PTPRK: variants seen among roughly 807,000 people sequenced by gnomAD.
PTPRK encodes the protein receptor-type tyrosine-protein phosphatase kappa.
A neutral mutation model predicts 178.0 loss-of-function variants in PTPRK; 75 were observed. That is an observed-to-expected ratio of 0.42 (90% CI 0.35 to 0.51). The LOEUF (loss-of-function observed/expected upper bound fraction) is 0.51, where lower values mean the gene tolerates loss of function less well. PTPRK is among the 20% of genes least tolerant of loss of function. PTPRK has a pLI of 0.02. For synonymous variants in PTPRK, 637 were observed against 620.6 expected, an observed-to-expected ratio of 1.03 and a Z score of -0.39; for missense variants, 1,441 against 1,797.8, an observed-to-expected ratio of 0.80 and a Z score of 3.59.
chr6:128,085,329 T>C (rs1022463528), intron 8 of PTPRK: 3 of 152,250 alleles, frequency 2.0e-5, no homozygotes, highest in Admixed American at 2.0e-4. Flanking sequence ...CATCTGTGTC[T>C]ATTGCTAAGG....
chr6:128,242,225 C>T lies in PTPRK; in HGVS notation c.577+296G>A, dbSNP rs190387440. Among the ~76,000 whole-genome samples the T allele has an allele frequency of 5.5e-3, 841 of 151,892 alleles. 4 individuals carry two copies. The highest frequency in any genetic ancestry group is 8.2e-3 in the Non-Finnish European group (559 of 67,950). On this transcript the variant is annotated intron_variant, in intron 4 of 29. Coordinates refer to ENST00000368226, the MANE Select transcript of PTPRK (RefSeq NM_002844.4). The stretch of plus-strand genomic sequence containing the variant: ...TGTTTTTCTAGACAATTTAATGATG[C>T]CAAAAAAATGAACAAGTCCTACTAA...
chr6:128,153,670 A>G (rs989138052), intron 7 of PTPRK, among the ~76,000 whole-genome samples: 2 of 151,958 alleles, frequency 1.3e-5, no homozygotes, highest in Non-Finnish European at 2.9e-5. Flanking sequence ...AGAATCAGCT[A>G]GTTTATAAAG....
intron 6 of PTPRK, among the ~76,000 whole-genome samples, chr6:128,194,695 C>T (rs558944988): frequency 5.1e-4 from 78 of 152,242 alleles, no homozygotes; most frequent in African/African-American, 1.8e-3. Context: ...CAGGTGATCA[C>T]CTCACCACAT....
intron 3 of PTPRK, among the ~76,000 whole-genome samples, chr6:128,263,419 A>G (rs994140501): frequency 6.6e-6 from 1 of 152,144 alleles, no homozygotes; most frequent in Non-Finnish European, 1.5e-5. Context: ...TGTTGATTTC[A>G]GAGGTAGAAA....
intron 6 of PTPRK, among the ~76,000 whole-genome samples, chr6:128,208,798 C>G (rs1807491586): frequency 6.6e-6 from 1 of 152,088 alleles, no homozygotes; most frequent in South Asian, 2.1e-4. Flanking sequence ...ACTTAATGCC[C>G]TATGATTAGT....
At chr6:128,347,425 C>T (rs965007830) in intron 2 of PTPRK, among the ~76,000 whole-genome samples, 6 of 152,140 alleles carry the variant, frequency 3.9e-5, no homozygotes, top group African/African-American at 1.4e-4. Flanking sequence ...AATTGCAGGA[C>T]CTTAGGGTCC....
chr6:128,206,557 TAAAA>T (rs1271584817), intron 6 of PTPRK, among the ~76,000 whole-genome samples: 4 of 152,052 alleles, frequency 2.6e-5, no homozygotes, highest in African/African-American at 9.7e-5. Flanking sequence ...ACTAGATACT[TAAAA>T]ATATATAGGC....
chr6:128,140,799 C>T (rs1795663918), intron 7 of PTPRK, among the ~76,000 whole-genome samples: 1 of 151,846 alleles, frequency 6.6e-6, no homozygotes, highest in Non-Finnish European at 1.5e-5. Flanking sequence ...CACACAAAGG[C>T]TTAGTTTTCA....
intron 11 of PTPRK, among the ~76,000 whole-genome samples, chr6:128,077,139 C>T (rs530583276): frequency 7.9e-5 from 12 of 152,118 alleles, no homozygotes; most frequent in African/African-American, 2.9e-4. Context: ...CTGATTTAAG[C>T]ACCAGTAACA....
intron 13 of PTPRK, among the ~76,000 whole-genome samples, chr6:128,057,452 C>T (rs1780091569): frequency 6.6e-6 from 1 of 152,152 alleles, no homozygotes; most frequent in Non-Finnish European, 1.5e-5. Context: ...TAGTTTCCTT[C>T]TGGGAGAAGG....
At chr6:128,058,939 C>T (rs1321289627) in intron 13 of PTPRK, among the ~76,000 whole-genome samples, 2 of 151,716 alleles carry the variant, frequency 1.3e-5, no homozygotes, top group Non-Finnish European at 2.9e-5. Flanking sequence ...TACCTTTTCC[C>T]CTCTTCCCTA....
intron 6 of PTPRK, among the ~76,000 whole-genome samples, chr6:128,185,137 GT>G: frequency 6.6e-6 from 1 of 152,196 alleles, no homozygotes. Flanking sequence ...CTTCTTCACA[GT>G]TTCTACAGAT....
intron 1 of PTPRK, among the ~76,000 whole-genome samples, chr6:128,398,284 A>G (rs1840603255): frequency 6.6e-6 from 1 of 152,144 alleles, no homozygotes; most frequent in Non-Finnish European, 1.5e-5. Context: ...TCTGCAACCA[A>G]TCAGAGGTAC....
At chr6:128,026,831 A>G (rs1774395321) in intron 13 of PTPRK, among the ~76,000 whole-genome samples, 1 of 152,148 alleles carries the variant, frequency 6.6e-6, no homozygotes, top group Non-Finnish European at 1.5e-5. Flanking sequence ...CCAGTGTCCT[A>G]TTTTATTCAC....
At chr6:128,298,374 T>C (rs57369971) in intron 3 of PTPRK, among the ~76,000 whole-genome samples, 5,928 of 148,814 alleles carry the variant, frequency 0.04, 431 homozygotes, top group African/African-American at 0.14. Context: ...CTGTAGCTCA[T>C]TTTATGAGGC....
intron 1 of PTPRK, among the ~76,000 whole-genome samples, chr6:128,419,611 C>CAAA (rs55706420): frequency 1.1e-5 from 1 of 93,274 alleles, no homozygotes; most frequent in African/African-American, 3.9e-5. Flanking sequence ...GACTCCGTCT[C>CAAA]AAAAAAAAAA....
intron 6 of PTPRK, among the ~76,000 whole-genome samples, chr6:128,185,385 CT>C (rs1442088441): frequency 1.3e-5 from 2 of 152,040 alleles, no homozygotes; most frequent in African/African-American, 4.8e-5. Context: ...AGATATTCTG[CT>C]TGAAAGAAAC....
At chr6:128,207,954 T>C (rs1170744151) in intron 6 of PTPRK, among the ~76,000 whole-genome samples, 1 of 152,078 alleles carries the variant, frequency 6.6e-6, no homozygotes, top group Non-Finnish European at 1.5e-5. Context: ...TAAATCAAAA[T>C]GATCAAAATG....
At chr6:128,139,097 GA>G (rs1303762090) in intron 7 of PTPRK, among the ~76,000 whole-genome samples, 1 of 152,078 alleles carries the variant, frequency 6.6e-6, no homozygotes. Context: ...AGCGAGGAAT[GA>G]AAGAGAATAT....
Sources: allele counts gnomAD v4.1 joint callset (sites outside exome capture counted in the v4.1 genomes callset), GRCh38; gene constraint gnomAD v4.1.1; transcripts MANE v1.5; gene names NCBI Gene and HGNC (gene_info 2026-07-23, HGNC 2026-07-21).